KLF12: variants seen among roughly 807,000 people sequenced by gnomAD.
KLF12 encodes the protein KLF transcription factor 12.
KLF12 carries 9 observed loss-of-function variants against 37.8 expected under a neutral mutation model. The ratio of observed to expected loss-of-function variants is 0.24; its 90% confidence interval spans 0.14 to 0.42. The LOEUF is 0.42. Ranked by LOEUF, KLF12 falls within the 10% of genes least tolerant of loss-of-function variation. The probability of loss-of-function intolerance (pLI) is 1.00; values close to 1 mark genes in which losing one functional copy is unlikely to be tolerated. For synonymous variants in KLF12, 208 were observed against 202.1 expected (o/e 1.03, Z -0.25); for missense variants, 411 against 516.0 (o/e 0.80, Z 1.97).
At chr13:74,282,479 G>A in the KLF12 span, among the ~76,000 whole-genome samples, 2 of 152,136 alleles carry the variant, frequency 1.3e-5, no homozygotes, top group African/African-American at 2.4e-5. Context: ...GCAGGGGTGG[G>A]AACTGAGAGG....
Position 73,715,448 on chromosome 13 carries a change from A to G in KLF12, c.947T>C (p.Ile316Thr). Reference sequence around the variant, plus strand: ...GCATCCCTCAAAATCACATCTGTGGATACGCCGTTTTCTGGAGTCTGGGGA... The same window carrying G: ...GCATCCCTCAAAATCACATCTGTGGGTACGCCGTTTTCTGGAGTCTGGGGA... Residue 316 changes from isoleucine to threonine, a missense_variant, in exon 7 of 8, where the codon ATC becomes ACC. Around this residue, in one of 2 missense-constraint regions of KLF12, gnomAD observed 351 missense variants for 397.8 expected, o/e 0.88. Transcript: ENST00000377669. The G allele has an allele frequency of 1.9e-6, 3 of 1,614,064 alleles. No homozygotes were observed. The South Asian group carries it at 3.3e-5, about 18-fold the overall frequency.
intron 1 of KLF12, among the ~76,000 whole-genome samples, chr13:74,008,753 G>A (rs908190857): frequency 2.0e-5 from 3 of 152,144 alleles, no homozygotes; most frequent in South Asian, 4.1e-4. Flanking sequence ...GCACAAGTCT[G>A]CAAGACAACT....
chr13:74,093,567 AT>A (rs1481305267), intron 1 of KLF12, among the ~76,000 whole-genome samples: 2 of 152,210 alleles, frequency 1.3e-5, no homozygotes, highest in Non-Finnish European at 2.9e-5. Flanking sequence ...TAAGATGGTC[AT>A]TATCATTTGC....
intron 1 of KLF12, among the ~76,000 whole-genome samples, chr13:74,091,952 A>G (rs1288847127): frequency 6.6e-6 from 1 of 151,614 alleles, no homozygotes; most frequent in Non-Finnish European, 1.5e-5. Context: ...CTTCCTCTTA[A>G]TTTTGCTGTG....
rs187957186 is a variant in KLF12 at position 73,912,598 on chromosome 13, T to C, written c.123+31383A>G. On this transcript the variant is annotated intron_variant, in intron 3 of 7. Transcript: ENST00000377669. Reference sequence around the variant, plus strand: ...CGAACACCAGAAGCTAGAAGAGGCATGGAAGCTTCTCTCCTACAGGTTTCA... The same window carrying C: ...CGAACACCAGAAGCTAGAAGAGGCACGGAAGCTTCTCTCCTACAGGTTTCA... Among the ~76,000 whole-genome samples, 26 of 152,208 alleles carry C rather than the reference T, an allele frequency of 1.7e-4. 1 individual carries two copies. The East Asian group carries it at 3.7e-3, about 22-fold the overall frequency.
intron 3 of KLF12, among the ~76,000 whole-genome samples, chr13:73,880,373 A>T (rs1395852126): frequency 6.6e-6 from 1 of 152,204 alleles, no homozygotes; most frequent in Non-Finnish European, 1.5e-5. Context: ...AGGGAGTTCA[A>T]TTAGTTTATT....
chr13:74,047,122 G>T (rs1358926911), intron 1 of KLF12, among the ~76,000 whole-genome samples: 2 of 152,028 alleles, frequency 1.3e-5, no homozygotes, highest in Non-Finnish European at 2.9e-5. Flanking sequence ...CCTCCTCTAT[G>T]CCAGAGAAAT....
intron 4 of KLF12, among the ~76,000 whole-genome samples, chr13:73,814,379 C>T (rs1010792309): frequency 1.3e-5 from 2 of 152,128 alleles, no homozygotes; most frequent in Non-Finnish European, 2.9e-5. Context: ...TACACCGAAC[C>T]ACATGGAATT....
chr13:74,223,102 T>C, the KLF12 span, among the ~76,000 whole-genome samples: 6 of 152,346 alleles, frequency 3.9e-5, no homozygotes, highest in African/African-American at 7.2e-5. Context: ...TGGATCCTTT[T>C]TGTGGCGCTT....
At chr13:74,150,534 C>T in the KLF12 span, among the ~76,000 whole-genome samples, 1 of 152,250 alleles carries the variant, frequency 6.6e-6, no homozygotes, top group Admixed American at 6.5e-5. Flanking sequence ...TCCTTCTTCA[C>T]AATTTCATGG....
chr13:74,271,633 CTT>C, the KLF12 span, among the ~76,000 whole-genome samples: 2 of 152,160 alleles, frequency 1.3e-5, no homozygotes, highest in Non-Finnish European at 2.9e-5. Context: ...TCATATCCAG[CTT>C]TTTGCCAACT....
intron 1 of KLF12, among the ~76,000 whole-genome samples, chr13:74,128,583 G>A (rs769040536): frequency 6.6e-6 from 1 of 152,136 alleles, no homozygotes. Flanking sequence ...AGTAAGAATC[G>A]AACTGAGATA....
At chr13:73,995,327 GGGA>G (rs992751986) in intron 1 of KLF12, among the ~76,000 whole-genome samples, 2 of 152,080 alleles carry the variant, frequency 1.3e-5, no homozygotes, top group South Asian at 2.1e-4. Context: ...GAGGGAGGAA[GGGA>G]GGAGGAGAAT....
the KLF12 span, among the ~76,000 whole-genome samples, chr13:74,165,100 AC>A: frequency 3.3e-5 from 5 of 152,028 alleles, no homozygotes; most frequent in Non-Finnish European, 5.9e-5. Context: ...GGTGATGGAT[AC>A]CCCATTTACC....
intron 1 of KLF12, among the ~76,000 whole-genome samples, chr13:74,041,927 TA>T (rs1417484937): frequency 6.6e-6 from 1 of 152,154 alleles, no homozygotes; most frequent in Non-Finnish European, 1.5e-5. Flanking sequence ...ATCTAAAAAA[TA>T]TAAGTGCTAA....
chr13:73,740,195 A>C (rs922566205), intron 6 of KLF12, among the ~76,000 whole-genome samples: 1 of 152,228 alleles, frequency 6.6e-6, no homozygotes, highest in Non-Finnish European at 1.5e-5. Flanking sequence ...TGGAGCCCTC[A>C]TGAGTATTAG....
At chr13:73,775,746 A>G (rs1002397361) in intron 5 of KLF12, among the ~76,000 whole-genome samples, 3 of 152,212 alleles carry the variant, frequency 2.0e-5, no homozygotes, top group African/African-American at 7.2e-5. Flanking sequence ...AGAAAAAGTA[A>G]TAAGTAGTTG....
At chr13:74,068,010 T>C (rs2138685404) in intron 1 of KLF12, among the ~76,000 whole-genome samples, 1 of 152,346 alleles carries the variant, frequency 6.6e-6, no homozygotes, top group East Asian at 1.9e-4. Context: ...ATTCCCCTTG[T>C]AAATCATACT....
chr13:73,994,598 T>C (rs1046772020), intron 2 of KLF12, among the ~76,000 whole-genome samples: 2 of 152,142 alleles, frequency 1.3e-5, no homozygotes, highest in African/African-American at 4.8e-5. Flanking sequence ...ACAGCAATCA[T>C]GCACCATATG....
Sources: gnomAD v4.1 joint callset for allele counts (sites outside exome capture counted in the v4.1 genomes callset) on GRCh38, gnomAD v4.1.1 for gene constraint, gnomAD v4.1.1 regional missense constraint, MANE v1.5 for transcripts, NCBI Gene and HGNC (gene_info 2026-07-23, HGNC 2026-07-21) for gene names.